TULP4: variants seen among roughly 807,000 people sequenced by gnomAD.
TULP4 encodes the protein tubby-related protein 4.
Under a neutral mutation model 129.0 loss-of-function variants are expected in TULP4, and 16 were observed. The observed-to-expected ratio is 0.12, with a 90% CI of 0.08 to 0.19. The LOEUF (loss-of-function observed/expected upper bound fraction) is 0.19. Ranked by LOEUF, TULP4 falls within the 10% of genes least tolerant of loss-of-function variation. The pLI is 1.00. For missense variants in TULP4, 1,842 were observed against 2,059.1 expected, an observed-to-expected ratio of 0.89 and a Z score of 2.04; for synonymous variants, 998 against 854.0, an observed-to-expected ratio of 1.17 and a Z score of -2.94.
At chr6:158,324,811 C>G (rs1267389604) in intron 1 of TULP4, among the ~76,000 whole-genome samples, 1 of 152,054 alleles carries the variant, frequency 6.6e-6, no homozygotes, top group Middle Eastern at 3.2e-3. Context: ...CAGATGATGG[C>G]AGATCTGAGA....
rs138590447 is a variant in TULP4, at chr6:158,504,037, G to A, written c.4374G>A (p.Leu1458=). The change falls in exon 13 of 14, where the codon CTG becomes CTA. Residue 1458 remains leucine (L), a synonymous_variant. Transcript: ENST00000367097. ...CCAGTGAGAAGGAGGACGGGCGGCT[G>A]GGCAGCCAAGGCTTCGTGTACGTGA... The part of the protein sequence containing the change: ...RRASEKEDGR[L]GSQGFVYVMA... 6 of 1,610,180 alleles carry A rather than the reference G, an allele frequency of 3.7e-6. No individual in the cohort carries two copies. Among genetic ancestry groups the A allele is most frequent in the Admixed American group, 1.7e-5 (1 of 59,278 alleles).
intron 1 of TULP4, among the ~76,000 whole-genome samples, chr6:158,320,037 A>G (rs531980428): frequency 2.6e-5 from 4 of 152,356 alleles, no homozygotes; most frequent in East Asian, 3.9e-4. Context: ...GCAACTTTCT[A>G]TGGCATTTGG....
chr6:158,418,192 C>T (rs1190266788), intron 2 of TULP4, among the ~76,000 whole-genome samples: 1 of 151,352 alleles, frequency 6.6e-6, no homozygotes, highest in Non-Finnish European at 1.5e-5. Flanking sequence ...CTGCAACCTC[C>T]ACCTCCCGGG....
In TULP4 at chr6:158,502,198, C is replaced by T. The variant is rs756820296; in HGVS notation, c.2535C>T (p.Pro845=). The change falls in exon 13 of 14, where the codon CCC becomes CCT. Residue 845 remains proline (P), a synonymous_variant. Transcript: ENST00000367097. ...PPYPGTIPAA[P]TTAAPPPPLP... is the part of the protein sequence containing the mutation. ...ACCCAGGAACCATCCCCGCTGCCCC[C>T]ACCACAGCAGCACCCCCGCCCCCTC... 4.1e-5 allele frequency: 62 copies of T among 1,528,916 alleles called. 2 individuals carry two copies. The South Asian group carries it at 7.1e-4, about 17-fold the overall frequency. 94.7% of individuals were successfully genotyped at this position (1,528,916 alleles called of 1,614,324 possible). A position where few individuals can be genotyped will look rare whatever the true frequency, so the allele number is the denominator to read the frequency against.
chr6:158,327,351 T>C (rs952426107), intron 1 of TULP4, among the ~76,000 whole-genome samples: 3 of 152,224 alleles, frequency 2.0e-5, no homozygotes, highest in African/African-American at 7.2e-5. Flanking sequence ...AACGATGCTC[T>C]TCAGTTCCAG....
At chr6:158,309,881 A>G (rs548935017), upstream of TULP4, among the ~76,000 whole-genome samples, 88 of 102,480 alleles carry the variant, frequency 8.6e-4, no homozygotes, top group Non-Finnish European at 6.0e-4. Context: ...AGACCGTGGG[A>G]AGAGAGGGAG....
intron 1 of TULP4, among the ~76,000 whole-genome samples, chr6:158,368,111 T>A (rs1776976214): frequency 6.9e-6 from 1 of 145,612 alleles, no homozygotes; most frequent in African/African-American, 2.5e-5. Context: ...ATCTGACAGA[T>A]TGAGTTGTAC....
intron 1 of TULP4, among the ~76,000 whole-genome samples, chr6:158,242,980 G>A (rs1426442514): frequency 6.6e-6 from 1 of 152,122 alleles, no homozygotes; most frequent in African/African-American, 2.4e-5. Context: ...GTAGAGACAG[G>A]GTTTCACTAT....
At chr6:158,392,442 G>C (rs1015049779) in intron 1 of TULP4, among the ~76,000 whole-genome samples, 1 of 152,162 alleles carries the variant, frequency 6.6e-6, no homozygotes, top group African/African-American at 2.4e-5. Flanking sequence ...TCACATAATA[G>C]GAAGCCCAGA....
chr6:158,262,890 G>A (rs1778375930), intron 1 of TULP4, among the ~76,000 whole-genome samples: 1 of 75,930 alleles, frequency 1.3e-5, no homozygotes, highest in Non-Finnish European at 3.5e-5. Context: ...TCTTCTGCTG[G>A]GTTTTCAGAT....
At chr6:158,505,820 G>A (rs1197368938) in intron 13 of TULP4, among the ~76,000 whole-genome samples, 3 of 151,594 alleles carry the variant, frequency 2.0e-5, no homozygotes, top group Non-Finnish European at 2.9e-5. Context: ...CTTCCTAGGT[G>A]AAGAAACCAC....
intron 5 of TULP4, among the ~76,000 whole-genome samples, chr6:158,456,607 G>T (rs1779297279): frequency 6.6e-6 from 1 of 152,140 alleles, no homozygotes; most frequent in Non-Finnish European, 1.5e-5. Flanking sequence ...GCTGCGGTGG[G>T]TGTATCACAA....
In TULP4 at chr6:158,358,251, G is replaced by A. The variant is rs1780692997; in HGVS notation, c.252+43983G>A. On this transcript the variant is annotated intron_variant, in intron 1 of 13. Coordinates refer to ENST00000367097, the MANE Select transcript of TULP4 (RefSeq NM_020245.5). ...AGAACCTCTGAGATTTACAGACTTT[G>A]TTAAGATAATGAAACAGCTCTGTGA... Among the ~76,000 whole-genome samples the A allele has an allele frequency of 2.6e-5, 4 of 152,290 alleles. No individual in the cohort carries two copies. The South Asian group carries it at 8.3e-4, about 32-fold the overall frequency.
chr6:158,281,958 CT>C (rs1778762079), upstream of TULP4, among the ~76,000 whole-genome samples: 1 of 152,126 alleles, frequency 6.6e-6, no homozygotes, highest in Non-Finnish European at 1.5e-5. Flanking sequence ...TTTGTGTAAT[CT>C]ATCCTGAGTC....
chr6:158,249,306 GAAAT>G (rs1379058022), intron 1 of TULP4, among the ~76,000 whole-genome samples: 2 of 147,614 alleles, frequency 1.4e-5, no homozygotes, highest in Non-Finnish European at 3.0e-5. Flanking sequence ...CCTGAATAAT[GAAAT>G]AAATAATCTA....
At chr6:158,237,919 C>T in intron 1 of TULP4, 1 of 729,108 alleles carries the variant, frequency 1.4e-6, no homozygotes, top group Non-Finnish European at 2.6e-6. Context: ...ATTTTGTTTC[C>T]ATAGCTGTTC....
In TULP4 at chr6:158,489,605, A is replaced by G; in HGVS notation, c.1504A>G (p.Ser502Gly). The change falls in exon 9 of 14, where the codon AGC becomes GGC. Residue 502 changes from serine (S) to glycine (G), a missense_variant. Ser to Gly is a moderately conservative substitution (Grantham distance 56). Coordinates refer to ENST00000367097, the MANE Select transcript of TULP4 (RefSeq NM_020245.5). ...DSKPDEIYGN[S>G]LISTVIDSCN... ...TTTACCAGATGAAATCTATGGGAAC[A>G]GCTTGATTTCTACTGTGATCGACAG... The G allele has an allele frequency of 6.2e-7, 1 of 1,614,224 alleles. No homozygotes were observed. The highest frequency in any genetic ancestry group is 8.5e-7 in the Non-Finnish European group (1 of 1,180,040).
intron 1 of TULP4, among the ~76,000 whole-genome samples, chr6:158,408,138 T>C (rs1227210866): frequency 6.6e-6 from 1 of 152,138 alleles, no homozygotes; most frequent in Non-Finnish European, 1.5e-5. Flanking sequence ...TGTGGAACAT[T>C]TGTGTGACGG....
At position 158,504,044 on chromosome 6, in the gene TULP4, C is replaced by G; in HGVS notation, c.4381C>G (p.Gln1461Glu). Residue 1461 changes from glutamine to glutamate, a missense_variant, in exon 13 of 14, where the codon CAA becomes GAA. By Grantham distance (29) the Gln-to-Glu change is conservative (BLOSUM62 2). Around this residue, in one of 5 missense-constraint regions of TULP4, gnomAD observed 1,089 missense variants for 987.1 expected, o/e 1.10. Transcript: ENST00000367097. The stretch of plus-strand genomic sequence containing the variant: ...GAAGGAGGACGGGCGGCTGGGCAGC[C>G]AAGGCTTCGTGTACGTGATGGCCAA... The part of the protein sequence containing the change: ...SEKEDGRLGS[Q>E]GFVYVMANKQ... 6.2e-7 allele frequency: 1 copy of G among 1,609,970 alleles called. No individual in the cohort carries two copies. The highest frequency in any genetic ancestry group is 8.5e-7 in the Non-Finnish European group (1 of 1,178,294).
Sources: allele counts gnomAD v4.1 joint callset (sites outside exome capture counted in the v4.1 genomes callset), GRCh38; gene constraint gnomAD v4.1.1; regional missense constraint gnomAD v4.1.1; transcripts MANE v1.5; gene names NCBI Gene and HGNC (gene_info 2026-07-23, HGNC 2026-07-21).